The following IKZF2 variants were observed in gnomAD, a reference collection of about 807,000 sequenced individuals.
IKZF2 encodes the protein IKAROS family zinc finger 2.
IKZF2 carries 15 observed loss-of-function variants against 49.2 expected under a neutral mutation model. That is an observed-to-expected ratio of 0.30 (90% CI 0.20 to 0.47). The LOEUF (loss-of-function observed/expected upper bound fraction) is 0.47. Among genes scored for constraint, IKZF2 ranks in the 20% least tolerant of loss-of-function variants. The pLI, the probability that IKZF2 is intolerant of heterozygous loss-of-function variation, is 1.00. For synonymous variants in IKZF2, 227 were observed against 221.4 expected, an observed-to-expected ratio of 1.03 and a Z score of -0.23; for missense variants, 567 against 664.6, an observed-to-expected ratio of 0.85 and a Z score of 1.61.
rs143973365 is a variant in IKZF2 at position 213,148,597 on chromosome 2, C to T, written c.33G>A (p.Thr11=). 9.3e-4 allele frequency: 1,502 copies of T among 1,608,956 alleles called. 2 individuals are homozygous for T. The highest frequency in any genetic ancestry group is 1.1e-3 in the Non-Finnish European group (1,288 of 1,175,790). Residue 11 remains threonine, a splice_region_variant and synonymous_variant, in exon 3 of 9, where the codon ACG becomes ACA. Coordinates refer to ENST00000434687, the MANE Select transcript of IKZF2 (RefSeq NM_001387220.1). METEAIDGYI[T]CDNELSPERE... The stretch of plus-strand genomic sequence containing the variant: ...AAATCAATGAAAACTAATACTTACA[C>T]GTTATATAGCCATCAATAGCCTCTG...
intron 4 of IKZF2, among the ~76,000 whole-genome samples, chr2:213,100,502 A>G (rs1706529815): frequency 6.6e-6 from 1 of 152,082 alleles, no homozygotes; most frequent in African/African-American, 2.4e-5. Flanking sequence ...AAAATTGCCA[A>G]AATACCATAG....
In IKZF2 at chr2:213,147,656, G is replaced by C. The variant is rs777429697; in HGVS notation, c.139+52C>G. 12 of 1,337,256 alleles carry C rather than the reference G, an allele frequency of 9.0e-6. No individual in the cohort carries two copies. The East Asian group carries it at 1.4e-4, about 15-fold the overall frequency. The allele number at this position is 1,337,256 out of a possible 1,614,324, so 82.8% of individuals were successfully genotyped here. On this transcript the variant is annotated intron_variant, in intron 4 of 8. Transcript: ENST00000434687. Reference sequence around the variant, plus strand: ...CCACAGACCTAACAAATTAAAGTCTGTTGCTGGAGAGACACACACACACAA... The same window carrying C: ...CCACAGACCTAACAAATTAAAGTCTCTTGCTGGAGAGACACACACACACAA...
At chr2:213,028,235 T>C (rs1441512895) in intron 6 of IKZF2, among the ~76,000 whole-genome samples, 1 of 152,152 alleles carries the variant, frequency 6.6e-6, no homozygotes, top group Non-Finnish European at 1.5e-5. Context: ...CTCTATTCCA[T>C]TCCATTAACC....
intron 7 of IKZF2, among the ~76,000 whole-genome samples, chr2:213,016,523 C>T (rs77717749): frequency 0.022 from 3,338 of 152,126 alleles, 120 homozygotes; most frequent in African/African-American, 0.075. Flanking sequence ...TGCAACTCAT[C>T]AAAATATTTC....
chr2:213,132,244 A>ACCT (rs2060497211), intron 4 of IKZF2, among the ~76,000 whole-genome samples: 1 of 152,036 alleles, frequency 6.6e-6, no homozygotes, highest in Non-Finnish European at 1.5e-5. Context: ...AGGAGTTTCC[A>ACCT]GTCACACAAA....
At chr2:213,110,173 G>T (rs1336956022) in intron 4 of IKZF2, among the ~76,000 whole-genome samples, 1 of 151,896 alleles carries the variant, frequency 6.6e-6, no homozygotes, top group Non-Finnish European at 1.5e-5. Flanking sequence ...TGGTTTAGTT[G>T]TTATTATTAG....
chr2:213,090,854 A>G (rs1484738815), intron 4 of IKZF2, among the ~76,000 whole-genome samples: 1 of 152,170 alleles, frequency 6.6e-6, no homozygotes, highest in African/African-American at 2.4e-5. Context: ...CATGAAACCA[A>G]TACTGCTTAC....
intron 4 of IKZF2, among the ~76,000 whole-genome samples, chr2:213,085,752 T>C (rs1184447195): frequency 1.3e-5 from 2 of 152,222 alleles, no homozygotes; most frequent in African/African-American, 4.8e-5. Context: ...ATGCACTCTA[T>C]TTAAGAACTA....
chr2:213,151,635 G>T, upstream of IKZF2: 1 of 151,976 alleles, frequency 6.6e-6, no homozygotes, highest in South Asian at 1.9e-4. Context: ...GTCAAACCCC[G>T]AGAAACCGAT....
At chr2:213,096,984 G>A (rs189977019) in intron 4 of IKZF2, among the ~76,000 whole-genome samples, 8 of 151,666 alleles carry the variant, frequency 5.3e-5, no homozygotes, top group African/African-American at 9.7e-5. Context: ...AATTTGTCGC[G>A]TTAATTATTA....
At position 213,022,026 on chromosome 2, in the gene IKZF2, T is replaced by C. The variant is rs773268289; in HGVS notation, c.679A>G (p.Met227Val). 2.5e-6 allele frequency: 4 copies of C among 1,613,904 alleles called. No homozygotes were observed. Among genetic ancestry groups the C allele is most frequent in the South Asian group, 1.1e-5 (1 of 91,062 alleles). Residue 227 changes from methionine to valine, a missense_variant, in exon 7 of 9, where the codon ATG becomes GTG. This residue lies in a region of IKZF2 where 310 missense variants were observed against 326.9 expected (regional missense o/e 0.95). Transcript: ENST00000434687. ...RCHNYLQNVS[M>V]EAAGQVMSHH... is the part of the protein sequence containing the mutation. ...CTCATGACCTGCCCAGCAGCCTCCA[T>C]GCTGACATTCTGGAGATAGTTGTGG... is the stretch of plus-strand genomic sequence containing the variant.
intron 4 of IKZF2, among the ~76,000 whole-genome samples, chr2:213,073,073 A>G (rs1346011569): frequency 6.6e-6 from 1 of 152,160 alleles, no homozygotes; most frequent in Non-Finnish European, 1.5e-5. Context: ...TTACAGGAAT[A>G]GATGTAAATA....
At chr2:213,030,381 A>G (rs1296960175) in intron 6 of IKZF2, among the ~76,000 whole-genome samples, 4 of 152,128 alleles carry the variant, frequency 2.6e-5, no homozygotes, top group Non-Finnish European at 4.4e-5. Flanking sequence ...GAAAAGTGAG[A>G]TATCTTTCAA....
chr2:213,099,466 C>T (rs1357702072), intron 4 of IKZF2, among the ~76,000 whole-genome samples: 1 of 152,098 alleles, frequency 6.6e-6, no homozygotes, highest in Non-Finnish European at 1.5e-5. Flanking sequence ...TTTGTAGTAA[C>T]AGACTCTGAG....
chr2:213,040,145 T>C (rs1032128265), intron 6 of IKZF2, among the ~76,000 whole-genome samples: 2 of 152,070 alleles, frequency 1.3e-5, no homozygotes, highest in Non-Finnish European at 2.9e-5. Context: ...TAGAAAAATA[T>C]TTTGAGACTC....
At chr2:213,077,580 C>CTTTTTTTT (rs58528665) in intron 4 of IKZF2, among the ~76,000 whole-genome samples, 4 of 59,450 alleles carry the variant, frequency 6.7e-5, no homozygotes, top group Non-Finnish European at 9.2e-5. Flanking sequence ...ATTCTATGTA[C>CTTTTTTTT]TTTTTTTTTT....
chr2:213,076,337 C>A (rs779163606), intron 4 of IKZF2, among the ~76,000 whole-genome samples: 8 of 151,842 alleles, frequency 5.3e-5, no homozygotes, highest in African/African-American at 1.2e-4. Flanking sequence ...ATAATAAACA[C>A]AAAATTCCTA....
At chr2:213,084,023 C>G (rs1189921774) in intron 4 of IKZF2, among the ~76,000 whole-genome samples, 1 of 152,050 alleles carries the variant, frequency 6.6e-6, no homozygotes, top group Non-Finnish European at 1.5e-5. Flanking sequence ...GTACTTGGTG[C>G]CAAAAAGGTT....
chr2:213,072,038 A>T (rs1243925332), intron 4 of IKZF2, among the ~76,000 whole-genome samples: 3 of 152,132 alleles, frequency 2.0e-5, no homozygotes, highest in African/African-American at 7.2e-5. Flanking sequence ...CAAAAATAAT[A>T]GCTTGGTTAA....
Sources: gnomAD v4.1 joint callset for allele counts (sites outside exome capture counted in the v4.1 genomes callset) on GRCh38, gnomAD v4.1.1 for gene constraint, gnomAD v4.1.1 regional missense constraint, MANE v1.5 for transcripts, NCBI Gene and HGNC (gene_info 2026-07-23, HGNC 2026-07-21) for gene names.